Variants in SIAH3 observed in about 807,000 individuals in gnomAD.
The protein encoded by SIAH3 is siah E3 ubiquitin protein ligase family member 3, also known as seven in absentia homolog 3.
In SIAH3, 9 loss-of-function variants were observed where a neutral mutation model predicts 12.6. That is an observed-to-expected ratio of 0.72 (90% CI 0.43 to 1.25). The LOEUF is 1.25. Ranked by LOEUF, SIAH3 falls within the 50% of genes most tolerant of loss-of-function variation. The probability of loss-of-function intolerance (pLI) is 0.00; values close to 1 mark genes in which losing one functional copy is unlikely to be tolerated. For missense variants in SIAH3, 390 were observed against 365.4 expected (o/e 1.07, Z -0.55); for synonymous variants, 154 against 151.1 (o/e 1.02, Z -0.14).
Position 45,781,647 on chromosome 13 carries a change from T to C in SIAH3, c.*1736A>G, listed in dbSNP as rs992491079. The stretch of plus-strand genomic sequence containing the variant: ...AGCCCCAGGGGCCCAGCGATTACTG[T>C]GTGACCAGAGCAGCCTCTGTTATTA... On this transcript the variant is annotated 3_prime_UTR_variant, in exon 2 of 2. Transcript: ENST00000400405. The C allele has an allele frequency of 4.7e-4, 72 of 152,232 alleles. No individual in the cohort carries two copies. Among genetic ancestry groups the C allele is most frequent in the African/African-American group, 1.7e-3 (71 of 41,452 alleles). 9.4% of individuals were successfully genotyped at this position (152,232 alleles called of 1,614,324 possible). A position where few individuals can be genotyped will look rare whatever the true frequency, so the allele number is the denominator to read the frequency against.
At chr13:45,829,369 G>A (rs1334571600) in intron 1 of SIAH3, among the ~76,000 whole-genome samples, 10 of 152,142 alleles carry the variant, frequency 6.6e-5, no homozygotes, top group African/African-American at 2.2e-4. Flanking sequence ...TTGGGAGGCC[G>A]AGGTGGGAGG....
At chr13:45,812,005 C>T (rs1007954000) in intron 1 of SIAH3, among the ~76,000 whole-genome samples, 1 of 152,176 alleles carries the variant, frequency 6.6e-6, no homozygotes, top group African/African-American at 2.4e-5. Flanking sequence ...TCAGAGACTC[C>T]AGCCCCACTC....
rs563223511 is a variant in SIAH3, at chr13:45,840,828, C to T, written c.135+10667G>A. On this transcript the variant is annotated intron_variant, in intron 1 of 1. Transcript: ENST00000400405. ...GTAACTGAGGGATGACATATCAAGA[C>T]GCGCTTTAAAGCACAGAAATTTAAT... 1.4e-4 allele frequency among the ~76,000 whole-genome samples: 22 copies of T among 152,280 alleles called. No individual in the cohort carries two copies. The South Asian group carries it at 2.3e-3, about 16-fold the overall frequency.
chr13:45,803,057 GC>G (rs1950587586), intron 1 of SIAH3, among the ~76,000 whole-genome samples: 1 of 151,748 alleles, frequency 6.6e-6, no homozygotes, highest in South Asian at 2.1e-4. Context: ...GGTGACAAGA[GC>G]AAAACTCTGT....
chr13:45,820,867 T>C (rs1950653303), intron 1 of SIAH3, among the ~76,000 whole-genome samples: 1 of 152,214 alleles, frequency 6.6e-6, no homozygotes, highest in Admixed American at 6.5e-5. Context: ...AGGAGGCTGA[T>C]GCCTGCCCTC....
At position 45,781,797 on chromosome 13, in the gene SIAH3, T is replaced by C. The variant is rs1004455048; in HGVS notation, c.*1586A>G. On this transcript the variant is annotated 3_prime_UTR_variant, in exon 2 of 2. Coordinates refer to ENST00000400405, the MANE Select transcript of SIAH3 (RefSeq NM_198849.3). The stretch of plus-strand genomic sequence containing the variant: ...GTGTTTCAGGATCAGTTATTTTTGG[T>C]GGAGAAAAAATTGCAGATGGCCAGC... The C allele has an allele frequency of 2.0e-5, 3 of 151,824 alleles. No homozygotes were observed. The highest frequency in any genetic ancestry group is 4.4e-5 in the Non-Finnish European group (3 of 67,948). 9.4% of individuals were successfully genotyped at this position (151,824 alleles called of 1,614,324 possible). A position where few individuals can be genotyped will look rare whatever the true frequency, so the allele number is the denominator to read the frequency against.
intron 1 of SIAH3, among the ~76,000 whole-genome samples, chr13:45,839,225 CT>C (rs11285230): frequency 0.66 from 98,462 of 148,988 alleles, 33,359 homozygotes; most frequent in East Asian, 0.82. Context: ...TTCTCCTCTT[CT>C]TTTTTTTTTT....
chr13:45,824,730 G>A (rs1026903959), intron 1 of SIAH3, among the ~76,000 whole-genome samples: 3 of 152,120 alleles, frequency 2.0e-5, no homozygotes, highest in African/African-American at 7.2e-5. Context: ...GCGCATCGGA[G>A]TTGGAAAAAT....
chr13:45,785,142 C>A (rs1471686187), intron 1 of SIAH3, among the ~76,000 whole-genome samples: 1 of 152,190 alleles, frequency 6.6e-6, no homozygotes, highest in Non-Finnish European at 1.5e-5. Context: ...GAGCACACCC[C>A]CATCCAGTGA....
chr13:45,820,681 C>T, intron 1 of SIAH3, among the ~76,000 whole-genome samples: 1 of 152,130 alleles, frequency 6.6e-6, no homozygotes, highest in Non-Finnish European at 1.5e-5. Flanking sequence ...CCTCCGAAAT[C>T]CCCTCCCGGA....
intron 1 of SIAH3, among the ~76,000 whole-genome samples, chr13:45,822,520 A>AATATAT (rs36106322): frequency 0.043 from 3,671 of 85,164 alleles, 175 homozygotes; most frequent in East Asian, 0.074. Context: ...TTCATTATCA[A>AATATAT]ATATATATAT....
chr13:45,796,512 T>C (rs1363733235), intron 1 of SIAH3, among the ~76,000 whole-genome samples: 5 of 152,188 alleles, frequency 3.3e-5, no homozygotes, highest in Non-Finnish European at 1.5e-5. Flanking sequence ...ATGAGCTCCC[T>C]GGCTTAGAAA....
intron 1 of SIAH3, among the ~76,000 whole-genome samples, chr13:45,846,521 A>G (rs1362893777): frequency 6.6e-6 from 1 of 152,184 alleles, no homozygotes; most frequent in African/African-American, 2.4e-5. Flanking sequence ...AGTTGGGTGA[A>G]GATGACTTTG....
At chr13:45,813,701 G>C (rs1391743982) in intron 1 of SIAH3, among the ~76,000 whole-genome samples, 1 of 152,172 alleles carries the variant, frequency 6.6e-6, no homozygotes, top group South Asian at 2.1e-4. Context: ...GGGAGGTCTG[G>C]TGTCTGGTGA....
intron 1 of SIAH3, among the ~76,000 whole-genome samples, chr13:45,784,409 T>TTG (rs1211954303): frequency 6.6e-6 from 1 of 150,770 alleles, no homozygotes; most frequent in Non-Finnish European, 1.5e-5. Flanking sequence ...TTTTTTTTTT[T>TTG]TTTTTTTTTT....
At chr13:45,829,906 G>A (rs1367319635) in intron 1 of SIAH3, among the ~76,000 whole-genome samples, 1 of 152,108 alleles carries the variant, frequency 6.6e-6, no homozygotes, top group African/African-American at 2.4e-5. Context: ...TTCTGTCCCG[G>A]GGTGCAGCTT....
At chr13:45,825,175 A>G (rs1040957157) in intron 1 of SIAH3, among the ~76,000 whole-genome samples, 1 of 152,188 alleles carries the variant, frequency 6.6e-6, no homozygotes, top group Non-Finnish European at 1.5e-5. Flanking sequence ...CTCCCTAGGC[A>G]TCTCGCATTA....
At chr13:45,802,043 G>A (rs1035062845) in intron 1 of SIAH3, among the ~76,000 whole-genome samples, 4 of 152,240 alleles carry the variant, frequency 2.6e-5, no homozygotes, top group Non-Finnish European at 4.4e-5. Context: ...GGTGGCTCAC[G>A]CCTGTAAAAT....
intron 1 of SIAH3, among the ~76,000 whole-genome samples, chr13:45,812,860 G>T (rs1950620762): frequency 6.6e-6 from 1 of 152,238 alleles, no homozygotes; most frequent in Non-Finnish European, 1.5e-5. Flanking sequence ...GACAATTGGA[G>T]AAAGTTTTGC....
Sources: gnomAD v4.1 joint callset for allele counts (sites outside exome capture counted in the v4.1 genomes callset) on GRCh38, gnomAD v4.1.1 for gene constraint, MANE v1.5 for transcripts, NCBI Gene and HGNC (gene_info 2026-07-23, HGNC 2026-07-21) for gene names.